Variants in BRSK2 observed in about 807,000 individuals in gnomAD.
BRSK2 encodes the protein BR serine/threonine kinase 2.
BRSK2 carries 19 observed loss-of-function variants against 83.3 expected under a neutral mutation model. That is an observed-to-expected ratio of 0.23 (90% confidence interval 0.16 to 0.33). The LOEUF (loss-of-function observed/expected upper bound fraction) is 0.33. Ranked by LOEUF, BRSK2 falls within the 10% of genes least tolerant of loss-of-function variation. The probability of loss-of-function intolerance (pLI) is 1.00; values close to 1 mark genes in which losing one functional copy is unlikely to be tolerated. For missense variants in BRSK2, 798 were observed against 1,042.3 expected, an observed-to-expected ratio of 0.77 and a Z score of 3.23; for synonymous variants, 519 against 435.4, an observed-to-expected ratio of 1.19 and a Z score of -2.39.
chr11:1,451,339 C>T lies in BRSK2; in HGVS notation c.1496-32C>T, dbSNP rs553757248. The T allele has an allele frequency of 9.4e-5, 151 of 1,612,398 alleles. No individual in the cohort carries two copies. The Admixed American group carries it at 1.7e-3, about 18-fold the overall frequency. On this transcript the variant is annotated intron_variant, in intron 14 of 19. Transcript: ENST00000528841. The stretch of plus-strand genomic sequence containing the variant: ...CAGGGGAAGGATGGAGCGGTCACCA[C>T]GCCTTTCCTCCTGTTCATCCTGTGT...
At chr11:1,422,635 C>T (rs1441381472) in intron 1 of BRSK2, among the ~76,000 whole-genome samples, 8 of 152,170 alleles carry the variant, frequency 5.3e-5, no homozygotes, top group African/African-American at 1.9e-4. Flanking sequence ...GAGCTGAAGA[C>T]CTGCTTCCAA....
At chr11:1,406,038 C>T (rs1326327576) in intron 1 of BRSK2, among the ~76,000 whole-genome samples, 1 of 152,164 alleles carries the variant, frequency 6.6e-6, no homozygotes, top group Non-Finnish European at 1.5e-5. Flanking sequence ...CCAACTCTGT[C>T]CCAGCTCCTC....
At chr11:1,408,763 G>C (rs1847095953) in intron 1 of BRSK2, among the ~76,000 whole-genome samples, 1 of 77,280 alleles carries the variant, frequency 1.3e-5, no homozygotes, top group Non-Finnish European at 3.3e-5. Flanking sequence ...GCCTGTGCAG[G>C]GGTGTGTGTG....
intron 1 of BRSK2, among the ~76,000 whole-genome samples, chr11:1,417,032 A>G (rs1208471643): frequency 6.6e-6 from 1 of 151,992 alleles, no homozygotes; most frequent in Non-Finnish European, 1.5e-5. Context: ...AGTGGCAGGC[A>G]CCTGTAATCC....
At chr11:1,416,506 G>A (rs576719221) in intron 1 of BRSK2, among the ~76,000 whole-genome samples, 3 of 152,302 alleles carry the variant, frequency 2.0e-5, no homozygotes, top group African/African-American at 7.2e-5. Flanking sequence ...CTTCCCACAC[G>A]TCTGTGTCCA....
In BRSK2 at chr11:1,460,607, G is replaced by T. The variant is rs771388319; in HGVS notation, c.2095G>T (p.Gly699Cys). 7 of 1,531,974 alleles carry T rather than the reference G, an allele frequency of 4.6e-6. No individual in the cohort carries two copies. In the South Asian group the frequency reaches 6.0e-5, roughly 13 times the overall value. The allele number at this position is 1,531,974 out of a possible 1,614,324, so 94.9% of individuals were successfully genotyped here. Reference protein sequence around the residue: ...PSTPAKRSAHGPLGDSAAAGP... With the variant: ...PSTPAKRSAHCPLGDSAAAGP... ...CACGCCCGCCAAGCGGAGTGCCCAC[G>T]GCCCACTCGGTGACTCCGCGGCCGC... Residue 699 changes from glycine to cysteine, a missense_variant, in exon 20 of 20, where the codon GGC (glycine) becomes TGC (cysteine). Gly to Cys is a radical substitution (Grantham distance 159). Coordinates refer to ENST00000528841, the MANE Select transcript of BRSK2 (RefSeq NM_001256627.2).
At chr11:1,411,159 G>A in intron 1 of BRSK2, 1 of 1,226,308 alleles carries the variant, frequency 8.2e-7, no homozygotes, top group Non-Finnish European at 1.0e-6. Context: ...TCCAGTCTCA[G>A]GCTGGCTAGT....
intron 1 of BRSK2, among the ~76,000 whole-genome samples, chr11:1,395,140 C>T (rs1188040797): frequency 2.0e-5 from 3 of 152,202 alleles, no homozygotes; most frequent in Non-Finnish European, 2.9e-5. Flanking sequence ...TGGCCTTCCC[C>T]ACATCAGGCC....
At chr11:1,396,208 C>T (rs1028964084) in intron 1 of BRSK2, among the ~76,000 whole-genome samples, 13 of 111,904 alleles carry the variant, frequency 1.2e-4, no homozygotes, top group Non-Finnish European at 1.9e-4. Flanking sequence ...ACCCACGTCC[C>T]CCACTCCTGG....
chr11:1,395,001 C>T (rs1038875531), intron 1 of BRSK2, among the ~76,000 whole-genome samples: 1 of 152,016 alleles, frequency 6.6e-6, no homozygotes, highest in Admixed American at 6.6e-5. Context: ...GAGATGGGCC[C>T]CTGGAGATGG....
At chr11:1,443,453 C>A (rs925862070) in intron 7 of BRSK2, 36 bp from the exon 8 acceptor site, 2 of 1,574,096 alleles carry the variant, frequency 1.3e-6, no homozygotes, top group Non-Finnish European at 1.7e-6. Context: ...CCAAACCTGC[C>A]CCCCCACGCT....
At chr11:1,407,395 TGGGG>T (rs1352801959) in intron 1 of BRSK2, among the ~76,000 whole-genome samples, 1 of 152,100 alleles carries the variant, frequency 6.6e-6, no homozygotes, top group Admixed American at 6.5e-5. Context: ...AGAGTCCACT[TGGGG>T]GGCTTCTCAC....
chr11:1,445,514 C>G, intron 10 of BRSK2, 56 bp downstream of exon 10: 1 of 1,603,874 alleles, frequency 6.2e-7, no homozygotes, highest in Non-Finnish European at 8.5e-7. Flanking sequence ...GAGCGCTGCC[C>G]CGGAGGAGCC....
At chr11:1,456,883 G>T in intron 18 of BRSK2, 196 bp downstream of exon 18, 1 of 1,528,784 alleles carries the variant, frequency 6.5e-7, no homozygotes, top group Non-Finnish European at 8.8e-7. Flanking sequence ...GGGACCACCC[G>T]CCTCGCCTCT....
At chr11:1,440,411 G>C (rs1446224630) in intron 3 of BRSK2, among the ~76,000 whole-genome samples, 4 of 152,126 alleles carry the variant, frequency 2.6e-5, no homozygotes, top group South Asian at 4.1e-4. Flanking sequence ...GTGAGGGCCA[G>C]AGCAGGCAGG....
chr11:1,443,284 G>T (rs1247123366), intron 6 of BRSK2, 51 bp from the exon 7 acceptor site: 1 of 1,556,914 alleles, frequency 6.4e-7, no homozygotes, highest in Non-Finnish European at 8.7e-7. Context: ...GCCCTCCAAG[G>T]CCCCCGCCCT....
chr11:1,435,935 C>T (rs1002597800), intron 1 of BRSK2, 105 bp from the exon 2 acceptor site: 44 of 817,732 alleles, frequency 5.4e-5, no homozygotes, highest in Non-Finnish European at 7.1e-5. Flanking sequence ...GGTGGGACCC[C>T]TGCTGTCCAG....
At chr11:1,407,792 C>T (rs1846999477) in intron 1 of BRSK2, among the ~76,000 whole-genome samples, 1 of 152,254 alleles carries the variant, frequency 6.6e-6, no homozygotes, top group Admixed American at 6.5e-5. Flanking sequence ...GTCCCGCCGC[C>T]TCCAGGCAGG....
At position 1,438,974 on chromosome 11, in the gene BRSK2, G is replaced by T. The variant is rs1446643855; in HGVS notation, c.272+583G>T. On this transcript the variant is annotated intron_variant, in intron 3 of 19. Coordinates refer to ENST00000528841, the MANE Select transcript of BRSK2 (RefSeq NM_001256627.2). This position sits in a 1 kb window ranked among gnomAD's most constrained non-coding sequence, Gnocchi z 6.4. ...AGCCTCAGGGAGCTCCTGGGAATGG[G>T]CACAGTGGTCACTCACGGCAGTCTC... is the stretch of plus-strand genomic sequence containing the variant. Among the ~76,000 whole-genome samples the T allele has an allele frequency of 6.6e-6, 1 of 152,160 alleles. No homozygotes were observed. The highest frequency in any genetic ancestry group is 1.9e-4 in the East Asian group (1 of 5,180).
Sources: gnomAD v4.1 joint callset for allele counts (sites outside exome capture counted in the v4.1 genomes callset) on GRCh38, gnomAD v4.1.1 for gene constraint, Gnocchi (gnomAD v3.1) non-coding constraint, MANE v1.5 for transcripts, NCBI Gene and HGNC (gene_info 2026-07-23, HGNC 2026-07-21) for gene names.